The following GRM8 variants were observed in gnomAD, a reference collection of about 807,000 sequenced individuals.
The protein encoded by GRM8 is glutamate metabotropic receptor 8.
In GRM8, 47 loss-of-function variants were observed where a neutral mutation model predicts 87.2. The ratio of observed to expected loss-of-function variants is 0.54; its 90% CI spans 0.43 to 0.69. The LOEUF is 0.69. GRM8 is among the 30% of genes least tolerant of loss of function. The probability of loss-of-function intolerance (pLI) is 0.00; values close to 1 mark genes in which losing one functional copy is unlikely to be tolerated. For synonymous variants in GRM8, 396 were observed against 404.5 expected (o/e 0.98, Z 0.25); for missense variants, 1,019 against 1,139.2 (o/e 0.89, Z 1.52).
chr7:126,706,007 T>C (rs760775688), intron 7 of GRM8, among the ~76,000 whole-genome samples: 1 of 152,130 alleles, frequency 6.6e-6, no homozygotes, highest in Non-Finnish European at 1.5e-5. Flanking sequence ...GAATTTTAGA[T>C]AAAAGTACCA....
intron 2 of GRM8, among the ~76,000 whole-genome samples, chr7:127,235,052 G>A (rs764568557): frequency 1.6e-4 from 24 of 152,132 alleles, no homozygotes; most frequent in Non-Finnish European, 2.8e-4. Flanking sequence ...TTCTAGAAAG[G>A]TTTTCAGACA....
At chr7:126,550,043 T>TTA (rs1562946907) in intron 8 of GRM8, among the ~76,000 whole-genome samples, 1 of 150,758 alleles carries the variant, frequency 6.6e-6, no homozygotes, top group Non-Finnish European at 1.5e-5. Flanking sequence ...CAAACAGCAA[T>TTA]AAAAAAAAAA....
intron 6 of GRM8, among the ~76,000 whole-genome samples, chr7:126,771,703 C>T (rs539505588): frequency 1.3e-5 from 2 of 152,082 alleles, no homozygotes; most frequent in Non-Finnish European, 2.9e-5. Flanking sequence ...TCCCATATTT[C>T]CAATGGCCTA....
intron 3 of GRM8, among the ~76,000 whole-genome samples, chr7:126,998,270 G>A (rs1813372944): frequency 1.3e-5 from 2 of 151,788 alleles, no homozygotes; most frequent in Non-Finnish European, 1.5e-5. Flanking sequence ...CCTCAACAGA[G>A]TAAAATCCAT....
At chr7:127,113,681 G>A (rs1303021857) in intron 2 of GRM8, among the ~76,000 whole-genome samples, 1 of 152,092 alleles carries the variant, frequency 6.6e-6, no homozygotes, top group African/African-American at 2.4e-5. Flanking sequence ...TCCAGTGATG[G>A]TGGTTAGCAA....
chr7:126,556,698 T>C (rs1793184132), intron 8 of GRM8, among the ~76,000 whole-genome samples: 2 of 152,116 alleles, frequency 1.3e-5, no homozygotes, highest in Non-Finnish European at 2.9e-5. Context: ...CTTTCCTCTT[T>C]TTCACGAGAG....
intron 1 of GRM8, among the ~76,000 whole-genome samples, chr7:127,244,504 A>G (rs1423022916): frequency 6.6e-6 from 1 of 152,208 alleles, no homozygotes; most frequent in African/African-American, 2.4e-5. Flanking sequence ...CTGACTTAAC[A>G]CAGGGAATCT....
chr7:127,070,324 TAAGAAAA>T (rs1315475555), intron 3 of GRM8, among the ~76,000 whole-genome samples: 1 of 152,132 alleles, frequency 6.6e-6, no homozygotes, highest in Non-Finnish European at 1.5e-5. Context: ...GATTGTTTTC[TAAGAAAA>T]ATCATGATTT....
At chr7:127,157,951 CT>C (rs1563548357) in intron 2 of GRM8, among the ~76,000 whole-genome samples, 1 of 152,020 alleles carries the variant, frequency 6.6e-6, no homozygotes, top group African/African-American at 2.4e-5. Flanking sequence ...AAGAAGAAGG[CT>C]TTGCACCAAT....
chr7:126,602,753 A>C (rs1448432276), intron 8 of GRM8, among the ~76,000 whole-genome samples: 1 of 151,872 alleles, frequency 6.6e-6, no homozygotes, highest in Non-Finnish European at 1.5e-5. Flanking sequence ...ATAGTTTACC[A>C]ACCAAAAAGA....
chr7:126,773,409 G>C (rs1463224531), intron 6 of GRM8, among the ~76,000 whole-genome samples: 1 of 152,070 alleles, frequency 6.6e-6, no homozygotes, highest in Non-Finnish European at 1.5e-5. Flanking sequence ...AAGGAATTTG[G>C]AAATTTTTTA....
chr7:126,951,924 C>T (rs1391817103), intron 3 of GRM8, among the ~76,000 whole-genome samples: 1 of 151,852 alleles, frequency 6.6e-6, no homozygotes, highest in Non-Finnish European at 1.5e-5. Flanking sequence ...TTTCCTGGCT[C>T]TGCCTGCTGA....
intron 2 of GRM8, among the ~76,000 whole-genome samples, chr7:127,177,504 CTT>C (rs1005826557): frequency 2.5e-4 from 38 of 152,348 alleles, no homozygotes; most frequent in African/African-American, 9.1e-4. Context: ...ACAGCTGATG[CTT>C]TCTGGAAAGT....
chr7:127,038,640 T>C (rs1247718239), intron 3 of GRM8, among the ~76,000 whole-genome samples: 1 of 151,996 alleles, frequency 6.6e-6, no homozygotes, highest in East Asian at 1.9e-4. Context: ...AAAGAGAAAA[T>C]AAAAAATTCA....
At chr7:127,022,521 G>A (rs1816377908) in intron 3 of GRM8, among the ~76,000 whole-genome samples, 1 of 151,964 alleles carries the variant, frequency 6.6e-6, no homozygotes, top group Non-Finnish European at 1.5e-5. Context: ...CATGGGGGTG[G>A]AGGGAGGAAT....
intron 3 of GRM8, among the ~76,000 whole-genome samples, chr7:127,015,040 GAA>G (rs1815333384): frequency 8.1e-6 from 1 of 122,836 alleles, no homozygotes; most frequent in Non-Finnish European, 1.8e-5. Flanking sequence ...AGAAGAAGAA[GAA>G]GAAGAAGAAG....
intron 6 of GRM8, among the ~76,000 whole-genome samples, chr7:126,819,590 A>G (rs1794115530): frequency 6.6e-6 from 1 of 152,190 alleles, no homozygotes; most frequent in Non-Finnish European, 1.5e-5. Flanking sequence ...ATAAACTATG[A>G]ATATTTAAGT....
At position 127,025,993 on chromosome 7, in the gene GRM8, C is replaced by T. The variant is rs182959618; in HGVS notation, c.727+80503G>A. Among the ~76,000 whole-genome samples, 114 of 152,078 alleles carry T rather than the reference C, an allele frequency of 7.5e-4. 1 individual carries two copies. The highest frequency in any genetic ancestry group is 2.6e-3 in the African/African-American group (109 of 41,472). ...ATTAGGTATTTCTCCTAATGTTATC[C>T]CTCCCCCAGCCCCCTGCCCCCTGAC... is the stretch of plus-strand genomic sequence containing the variant. On this transcript the variant is annotated intron_variant, in intron 3 of 10. Coordinates refer to ENST00000339582, the MANE Select transcript of GRM8 (RefSeq NM_000845.3).
intron 9 of GRM8, among the ~76,000 whole-genome samples, chr7:126,479,864 T>C (rs777210331): frequency 1.1e-4 from 16 of 152,090 alleles, no homozygotes; most frequent in Non-Finnish European, 2.1e-4. Context: ...TATCATATTA[T>C]AATCTCAGCA....
Sources: allele counts gnomAD v4.1 joint callset (sites outside exome capture counted in the v4.1 genomes callset), GRCh38; gene constraint gnomAD v4.1.1; transcripts MANE v1.5; gene names NCBI Gene and HGNC (gene_info 2026-07-23, HGNC 2026-07-21).